The following TUBD1 variants were observed in gnomAD, a reference collection of about 807,000 sequenced individuals.
The protein encoded by TUBD1 is tubulin delta chain.
Under a neutral mutation model 51.2 loss-of-function variants are expected in TUBD1, and 38 were observed. The ratio of observed to expected loss-of-function variants is 0.74; its 90% CI spans 0.57 to 0.97. The LOEUF (loss-of-function observed/expected upper bound fraction) is 0.97, where lower values mean the gene tolerates loss of function less well. TUBD1 is among the 50% of genes least tolerant of loss of function. The pLI is 0.00. For missense variants in TUBD1, 489 were observed against 538.4 expected, an observed-to-expected ratio of 0.91 and a Z score of 0.91; for synonymous variants, 169 against 178.2, an observed-to-expected ratio of 0.95 and a Z score of 0.41.
At chr17:59,882,762 A>T (rs2040543777) in intron 3 of TUBD1, among the ~76,000 whole-genome samples, 1 of 151,778 alleles carries the variant, frequency 6.6e-6, no homozygotes, top group Admixed American at 6.6e-5. Context: ...CTACAAGAGC[A>T]TGTAACCATC....
chr17:59,888,271 G>A (rs187332791), intron 2 of TUBD1, among the ~76,000 whole-genome samples: 4 of 152,286 alleles, frequency 2.6e-5, no homozygotes, highest in Admixed American at 2.6e-4. Flanking sequence ...GAGGATGGAT[G>A]TGATAGACAG....
intron 6 of TUBD1, among the ~76,000 whole-genome samples, chr17:59,871,106 C>T (rs1190932230): frequency 6.6e-6 from 1 of 152,182 alleles, no homozygotes; most frequent in Non-Finnish European, 1.5e-5. Flanking sequence ...GCAATGGCTT[C>T]GAAATACTCA....
At chr17:59,868,898 A>G (rs1405157399) in intron 6 of TUBD1, among the ~76,000 whole-genome samples, 1 of 151,668 alleles carries the variant, frequency 6.6e-6, no homozygotes, top group Non-Finnish European at 1.5e-5. Context: ...ACACACCTGT[A>G]GTCCTAGCTA....
intron 6 of TUBD1, among the ~76,000 whole-genome samples, chr17:59,867,379 G>A (rs1455623971): frequency 6.6e-6 from 1 of 152,050 alleles, no homozygotes; most frequent in Non-Finnish European, 1.5e-5. Flanking sequence ...ACTAGACTTT[G>A]TTGGGGCAAA....
chr17:59,880,815 G>A (rs2040451171), intron 4 of TUBD1, 79 bp downstream of exon 4: 1 of 1,389,328 alleles, frequency 7.2e-7, no homozygotes, highest in Non-Finnish European at 1.0e-6. Flanking sequence ...CACCTGGGTG[G>A]TGAGAGCAAT....
At chr17:59,876,938 T>G (rs1429328765) in intron 5 of TUBD1, among the ~76,000 whole-genome samples, 3 of 152,034 alleles carry the variant, frequency 2.0e-5, no homozygotes, top group African/African-American at 7.2e-5. Flanking sequence ...CTTAGCTGAC[T>G]GCAACGTCTG....
intron 8 of TUBD1, among the ~76,000 whole-genome samples, chr17:59,862,586 C>T (rs964600087): frequency 2.0e-5 from 3 of 151,316 alleles, no homozygotes; most frequent in African/African-American, 7.3e-5. Context: ...GTTGCCCAGG[C>T]TGGAGTGCAA....
rs2039381115 is a variant in TUBD1, at chr17:59,860,375, A to G, written c.1309T>C (p.Leu437=). The G allele has an allele frequency of 1.2e-6, 2 of 1,613,506 alleles. No individual in the cohort carries two copies. Among genetic ancestry groups the G allele is most frequent in the Non-Finnish European group, 1.7e-6 (2 of 1,179,774 alleles). Residue 437 remains leucine (L), a synonymous_variant, in exon 9 of 9, where the codon TTA becomes CTA. Coordinates refer to ENST00000325752, the MANE Select transcript of TUBD1 (RefSeq NM_016261.4). ...TKFGIEEEDF[L]DSFTSLEQVV... ...TGCTCTAATGACGTGAAACTGTCTAAAAAGTCCTCTTCTTCGATTCCAAAT... is the reference window on the plus strand; with the variant it reads ...TGCTCTAATGACGTGAAACTGTCTAGAAAGTCCTCTTCTTCGATTCCAAAT...
At chr17:59,885,640 C>T in intron 3 of TUBD1, 1 of 736,946 alleles carries the variant, frequency 1.4e-6, no homozygotes, top group Non-Finnish European at 2.3e-6. Context: ...TAATAAAACT[C>T]AGTGCTGTGG....
intron 5 of TUBD1, among the ~76,000 whole-genome samples, chr17:59,876,288 C>T (rs979147638): frequency 3.9e-5 from 6 of 151,976 alleles, no homozygotes; most frequent in African/African-American, 1.5e-4. Context: ...AAGCAATAGC[C>T]CCACTTCAGC....
At chr17:59,869,112 A>ATC (rs1320820890) in intron 6 of TUBD1, among the ~76,000 whole-genome samples, 1 of 151,954 alleles carries the variant, frequency 6.6e-6, no homozygotes, top group African/African-American at 2.4e-5. Flanking sequence ...ATATATATAT[A>ATC]TTTATTCATA....
chr17:59,861,598 C>T (rs767637855), intron 8 of TUBD1, among the ~76,000 whole-genome samples: 7 of 152,016 alleles, frequency 4.6e-5, no homozygotes, highest in African/African-American at 1.2e-4. Flanking sequence ...TACCATTTAA[C>T]GAGAGTAGGA....
At chr17:59,874,463 A>G in intron 6 of TUBD1, 76 bp downstream of exon 6, 2 of 1,456,710 alleles carry the variant, frequency 1.4e-6, no homozygotes, top group South Asian at 2.6e-5. Flanking sequence ...AACTGGTCCA[A>G]GCCAGTTTAT....
At chr17:59,866,234 T>C (rs1004238222) in intron 7 of TUBD1, among the ~76,000 whole-genome samples, 1 of 113,914 alleles carries the variant, frequency 8.8e-6, no homozygotes, top group African/African-American at 3.9e-5. Flanking sequence ...AACAATTCTT[T>C]TTTTTTTTTT....
chr17:59,881,805 G>T (rs2040502328), intron 3 of TUBD1, among the ~76,000 whole-genome samples: 1 of 151,888 alleles, frequency 6.6e-6, no homozygotes, highest in African/African-American at 2.4e-5. Flanking sequence ...GAGTAGCTGG[G>T]ATTACAGATG....
intron 1 of TUBD1, 99 bp from the exon 2 acceptor site, chr17:59,891,140 T>C (rs796440380): frequency 1.3e-5 from 9 of 669,474 alleles, no homozygotes; most frequent in African/African-American, 9.3e-5. Context: ...AAAGTCTTTT[T>C]TCCCCCCTGA....
Position 59,877,358 on chromosome 17 carries a change from G to C in TUBD1, c.769+745C>G, listed in dbSNP as rs144271832. On this transcript the variant is annotated intron_variant, in intron 5 of 8. Transcript: ENST00000325752. ...TGAATTCCCAATCACCAAACACAATGCTGACGCGCACATTGACAACTCTGG... is the reference window on the plus strand; with the variant it reads ...TGAATTCCCAATCACCAAACACAATCCTGACGCGCACATTGACAACTCTGG... 5.3e-5 allele frequency among the ~76,000 whole-genome samples: 8 copies of C among 152,316 alleles called. No homozygotes were observed. In the East Asian group the frequency reaches 5.8e-4, roughly 11 times the overall value.
intron 3 of TUBD1, among the ~76,000 whole-genome samples, chr17:59,883,224 G>C (rs1598561883): frequency 1.4e-5 from 2 of 144,068 alleles, no homozygotes; most frequent in African/African-American, 2.6e-5. Flanking sequence ...GCCTCCCAAG[G>C]AGCTAAGGCC....
At chr17:59,876,519 T>C (rs961909834) in intron 5 of TUBD1, among the ~76,000 whole-genome samples, 3 of 151,806 alleles carry the variant, frequency 2.0e-5, no homozygotes, top group Non-Finnish European at 4.4e-5. Context: ...CATGCCTGGC[T>C]AATTTTGTAT....
Sources: allele counts gnomAD v4.1 joint callset (sites outside exome capture counted in the v4.1 genomes callset), GRCh38; gene constraint gnomAD v4.1.1; transcripts MANE v1.5; gene names NCBI Gene and HGNC (gene_info 2026-07-23, HGNC 2026-07-21).